Variants in CCDC178 observed in about 807,000 individuals in gnomAD.
CCDC178 encodes coiled-coil domain containing 178.
Under a neutral mutation model 117.4 loss-of-function variants are expected in CCDC178, and 126 were observed. The observed-to-expected ratio is 1.07, with a 90% CI of 0.93 to 1.24. The LOEUF (loss-of-function observed/expected upper bound fraction) is 1.24. CCDC178 is among the 50% of genes most tolerant of loss of function. The pLI is 0.00. For missense variants in CCDC178, 1,030 were observed against 986.9 expected, an observed-to-expected ratio of 1.04 and a Z score of -0.59; for synonymous variants, 283 against 313.4, an observed-to-expected ratio of 0.90 and a Z score of 1.02.
intron 3 of CCDC178, among the ~76,000 whole-genome samples, chr18:33,402,017 TACTGATAA>T (rs2063715436): frequency 6.6e-6 from 1 of 152,170 alleles, no homozygotes; most frequent in Non-Finnish European, 1.5e-5. Flanking sequence ...GTTGTGGTAA[TACTGATAA>T]ACAGTTGAAT....
rs117441026 is a variant in CCDC178 at position 33,173,592 on chromosome 18, C to A, written c.2238+38304G>T. On this transcript the variant is annotated intron_variant, in intron 20 of 22. Coordinates refer to ENST00000383096, the MANE Select transcript of CCDC178 (RefSeq NM_001105528.4). ...CAACTTCTAAAGTTAATGTTTCCTG[C>A]ATAAGCATTCTCATTGTTACTATGT... is the stretch of plus-strand genomic sequence containing the variant. 2.5e-3 allele frequency among the ~76,000 whole-genome samples: 379 copies of A among 152,262 alleles called. 2 individuals carry two copies. The highest frequency in any genetic ancestry group is 4.4e-3 in the Non-Finnish European group (300 of 68,018).
At chr18:33,173,152 T>C (rs1400620795) in intron 20 of CCDC178, among the ~76,000 whole-genome samples, 20 of 152,072 alleles carry the variant, frequency 1.3e-4, no homozygotes, top group Admixed American at 1.3e-3. Context: ...TGGGCTGAAG[T>C]AATCCTCCCA....
At chr18:33,004,920 T>C (rs79929801) in intron 21 of CCDC178, among the ~76,000 whole-genome samples, 86 of 152,160 alleles carry the variant, frequency 5.7e-4, no homozygotes, top group East Asian at 3.3e-3. Flanking sequence ...TGAGACATCA[T>C]CTCACTCCAG....
chr18:33,004,415 G>T (rs1175680312), intron 21 of CCDC178, among the ~76,000 whole-genome samples: 2 of 152,040 alleles, frequency 1.3e-5, no homozygotes, highest in Non-Finnish European at 2.9e-5. Flanking sequence ...ATGATGATGG[G>T]AAAATCAGTT....
chr18:32,979,517 C>T (rs2055102709), intron 21 of CCDC178, among the ~76,000 whole-genome samples: 2 of 151,768 alleles, frequency 1.3e-5, no homozygotes, highest in Admixed American at 1.3e-4. Flanking sequence ...CTATTTATTA[C>T]CATAAAATAA....
chr18:33,203,543 T>C (rs886424770), intron 20 of CCDC178, among the ~76,000 whole-genome samples: 6 of 152,172 alleles, frequency 3.9e-5, no homozygotes, highest in African/African-American at 1.4e-4. Flanking sequence ...ATTACTGTTA[T>C]TATTAACTTT....
intron 7 of CCDC178, 109 bp downstream of exon 7, chr18:33,356,215 T>A: frequency 1.7e-6 from 2 of 1,143,198 alleles, no homozygotes; most frequent in Admixed American, 6.5e-5. Flanking sequence ...TTGTGAAAAA[T>A]CTTGCATTCG....
intron 20 of CCDC178, among the ~76,000 whole-genome samples, chr18:33,176,223 G>A (rs2058663440): frequency 6.6e-6 from 1 of 152,082 alleles, no homozygotes. Context: ...TATCTTGGAT[G>A]ATTTTAACAT....
chr18:33,190,296 C>T (rs1568044191), intron 20 of CCDC178, among the ~76,000 whole-genome samples: 2 of 152,098 alleles, frequency 1.3e-5, no homozygotes, highest in Non-Finnish European at 2.9e-5. Context: ...AGGTTGAATT[C>T]CTATAACACA....
chr18:33,232,378 G>C (rs1344012338), intron 15 of CCDC178, among the ~76,000 whole-genome samples: 1 of 152,114 alleles, frequency 6.6e-6, no homozygotes, highest in Non-Finnish European at 1.5e-5. Flanking sequence ...CAAAGAAATG[G>C]CTTCAGTTTC....
At chr18:33,326,774 G>A (rs137979350) in intron 10 of CCDC178, among the ~76,000 whole-genome samples, 2 of 151,642 alleles carry the variant, frequency 1.3e-5, no homozygotes, top group East Asian at 3.9e-4. Flanking sequence ...GGATTGAGCA[G>A]CCCTCTGGCC....
At chr18:33,220,028 T>C (rs1171202169) in intron 18 of CCDC178, among the ~76,000 whole-genome samples, 2 of 152,062 alleles carry the variant, frequency 1.3e-5, no homozygotes, top group Non-Finnish European at 1.5e-5. Context: ...GAAATATTTC[T>C]AATTTGGAAA....
At chr18:33,034,076 A>G (rs1337988034) in intron 21 of CCDC178, among the ~76,000 whole-genome samples, 1 of 151,982 alleles carries the variant, frequency 6.6e-6, no homozygotes, top group Non-Finnish European at 1.5e-5. Context: ...CCTGTCTTTT[A>G]GAAAATCACC....
At position 33,016,921 on chromosome 18, in the gene CCDC178, T is replaced by A. The variant is rs144286582; in HGVS notation, c.2389-42240A>T. Among the ~76,000 whole-genome samples the A allele has an allele frequency of 1.9e-3, 282 of 152,078 alleles. 4 individuals are homozygous for A. The East Asian group carries it at 0.03, about 16-fold the overall frequency. On this transcript the variant is annotated intron_variant, in intron 21 of 22. Coordinates refer to ENST00000383096, the MANE Select transcript of CCDC178 (RefSeq NM_001105528.4). The stretch of plus-strand genomic sequence containing the variant: ...AGAAAAAACATTTGGCAATGCTTAA[T>A]GAAAAGTACTTGATGTGACAGGAAT...
chr18:33,199,792 G>A (rs72947173), intron 20 of CCDC178, among the ~76,000 whole-genome samples: 6 of 152,144 alleles, frequency 3.9e-5, no homozygotes, highest in Non-Finnish European at 7.4e-5. Flanking sequence ...TTCTGCAACC[G>A]TATTCTGTTA....
intron 22 of CCDC178, among the ~76,000 whole-genome samples, chr18:32,960,025 C>T: frequency 6.6e-6 from 1 of 151,918 alleles, no homozygotes; most frequent in Non-Finnish European, 1.5e-5. Flanking sequence ...CTTAATATGT[C>T]ATTTAACAGA....
chr18:33,181,333 A>G (rs931988049), intron 20 of CCDC178, among the ~76,000 whole-genome samples: 4 of 151,944 alleles, frequency 2.6e-5, no homozygotes, highest in African/African-American at 9.7e-5. Flanking sequence ...AATGCAGACA[A>G]CAGTAAATAC....
intron 15 of CCDC178, among the ~76,000 whole-genome samples, chr18:33,231,393 A>G (rs1223410984): frequency 6.6e-6 from 1 of 152,230 alleles, no homozygotes; most frequent in African/African-American, 2.4e-5. Flanking sequence ...CTCAAAAGTT[A>G]TAACAGATAA....
chr18:33,379,125 A>ATTATATATATATTTCCATATATATATATT (rs1555695385), intron 5 of CCDC178, among the ~76,000 whole-genome samples: 23 of 6,794 alleles, frequency 3.4e-3, no homozygotes, highest in South Asian at 0.071. Flanking sequence ...ATATATATAT[A>ATTATATATATATTTCCATATATATATATT]ATATATATAT....
Sources: allele counts gnomAD v4.1 joint callset (sites outside exome capture counted in the v4.1 genomes callset), GRCh38; gene constraint gnomAD v4.1.1; transcripts MANE v1.5; gene names NCBI Gene and HGNC (gene_info 2026-07-23, HGNC 2026-07-21).